TMEM178B: variants seen among roughly 807,000 people sequenced by gnomAD.
The protein encoded by TMEM178B is transmembrane protein 178B.
Under a neutral mutation model 31.0 loss-of-function variants are expected in TMEM178B, and 5 were observed. The ratio of observed to expected loss-of-function variants is 0.16; its 90% CI spans 0.08 to 0.34. The LOEUF is 0.34. Ranked by LOEUF, TMEM178B falls within the 10% of genes least tolerant of loss-of-function variation. The probability of loss-of-function intolerance (pLI) is 1.00; values close to 1 mark genes in which losing one functional copy is unlikely to be tolerated. For missense variants in TMEM178B, 275 were observed against 400.3 expected (o/e 0.69, Z 2.67); for synonymous variants, 164 against 164.0 (o/e 1.00, Z 0.00).
At chr7:141,182,681 A>C (rs536610334) in intron 1 of TMEM178B, among the ~76,000 whole-genome samples, 5 of 152,196 alleles carry the variant, frequency 3.3e-5, no homozygotes, top group Non-Finnish European at 5.9e-5. Flanking sequence ...CCCACTGTCA[A>C]GGGTGGGGCC....
intron 2 of TMEM178B, among the ~76,000 whole-genome samples, chr7:141,280,255 C>G (rs963226963): frequency 6.6e-6 from 1 of 152,032 alleles, no homozygotes; most frequent in Non-Finnish European, 1.5e-5. Flanking sequence ...TCTTGACTAC[C>G]CAAACAGGTC....
At chr7:141,487,264 C>T in the TMEM178B span, among the ~76,000 whole-genome samples, 1 of 151,978 alleles carries the variant, frequency 6.6e-6, no homozygotes, top group Non-Finnish European at 1.5e-5. Flanking sequence ...TCCTTTCAGC[C>T]CTGAAAGTGA....
chr7:141,212,777 G>T, intron 2 of TMEM178B, 73 bp downstream of exon 2: 1 of 1,196,964 alleles, frequency 8.4e-7, no homozygotes, highest in Non-Finnish European at 1.2e-6. Flanking sequence ...AGGATTGGAT[G>T]TGCCTCCTTC....
intron 2 of TMEM178B, among the ~76,000 whole-genome samples, chr7:141,219,049 C>T (rs1034624227): frequency 1.3e-5 from 2 of 152,220 alleles, no homozygotes; most frequent in Admixed American, 6.5e-5. Flanking sequence ...ATGAAACTAA[C>T]AGTAATAACA....
the TMEM178B span, among the ~76,000 whole-genome samples, chr7:141,497,131 GCA>G: frequency 1.3e-5 from 2 of 152,154 alleles, no homozygotes. Context: ...TAAGAGCCCT[GCA>G]CACACAGGTA....
At chr7:141,219,054 A>G (rs1191718958) in intron 2 of TMEM178B, among the ~76,000 whole-genome samples, 1 of 152,246 alleles carries the variant, frequency 6.6e-6, no homozygotes, top group African/African-American at 2.4e-5. Flanking sequence ...ACTAACAGTA[A>G]TAACAACAGT....
At chr7:141,434,270 C>T (rs1801493479) in intron 2 of TMEM178B, among the ~76,000 whole-genome samples, 1 of 152,192 alleles carries the variant, frequency 6.6e-6, no homozygotes, top group Non-Finnish European at 1.5e-5. Flanking sequence ...CCAGGCAGAA[C>T]CTTTGCTCCC....
rs549300237 is a variant in TMEM178B at position 141,171,472 on chromosome 7, G to A, written c.383-41119G>A. ...TTGCCCACAATCACTTAGCTGGCAA[G>A]TGATGGAGACAGAATTAGAACTCAG... On this transcript the variant is annotated intron_variant, in intron 1 of 3. Transcript: ENST00000565468. This position sits in a 1 kb window ranked among gnomAD's most constrained non-coding sequence, Gnocchi z 4.3. 1.3e-3 allele frequency among the ~76,000 whole-genome samples: 195 copies of A among 152,222 alleles called. 1 individual carries two copies. Among genetic ancestry groups the A allele is most frequent in the Non-Finnish European group, 2.2e-3 (150 of 68,038 alleles).
At chr7:141,430,943 G>C (rs577233843) in intron 2 of TMEM178B, among the ~76,000 whole-genome samples, 94 of 152,238 alleles carry the variant, frequency 6.2e-4, no homozygotes, top group Non-Finnish European at 1.1e-3. Context: ...TGTAACCCAG[G>C]CCGCGTGCTC....
chr7:141,243,318 A>C (rs376211345), intron 2 of TMEM178B, among the ~76,000 whole-genome samples: 1 of 151,980 alleles, frequency 6.6e-6, no homozygotes, highest in East Asian at 1.9e-4. Flanking sequence ...TCCAACCGTT[A>C]ACTTCTGCTT....
intron 1 of TMEM178B, among the ~76,000 whole-genome samples, chr7:141,207,915 T>A (rs558354298): frequency 6.6e-6 from 1 of 152,102 alleles, no homozygotes; most frequent in South Asian, 2.1e-4. Flanking sequence ...AAAGGCCAGG[T>A]GCGGTGGCTT....
intron 1 of TMEM178B, among the ~76,000 whole-genome samples, chr7:141,176,201 A>G (rs1251362517): frequency 1.3e-5 from 2 of 152,344 alleles, no homozygotes; most frequent in East Asian, 3.9e-4. Flanking sequence ...CCTTTTCTGC[A>G]TCTATTGAGA....
intron 2 of TMEM178B, among the ~76,000 whole-genome samples, chr7:141,290,321 A>C (rs565313085): frequency 6.6e-6 from 1 of 152,350 alleles, no homozygotes; most frequent in African/African-American, 2.4e-5. Context: ...ATATGGTTGC[A>C]GGAACTGATT....
At chr7:141,195,705 A>G (rs1317321204) in intron 1 of TMEM178B, among the ~76,000 whole-genome samples, 2 of 152,114 alleles carry the variant, frequency 1.3e-5, no homozygotes, top group Non-Finnish European at 2.9e-5. Flanking sequence ...ACTGGTACCA[A>G]TTTACTGTAT....
At chr7:141,165,185 A>G (rs946481659) in intron 1 of TMEM178B, among the ~76,000 whole-genome samples, 8 of 65,968 alleles carry the variant, frequency 1.2e-4, no homozygotes, top group African/African-American at 5.3e-4. Context: ...TTTTTATACT[A>G]ATGTCCTTTT....
chr7:141,303,961 TTCAGTGACTTGTC>T (rs568863227), intron 2 of TMEM178B, among the ~76,000 whole-genome samples: 12 of 152,234 alleles, frequency 7.9e-5, no homozygotes, highest in Non-Finnish European at 1.6e-4. Context: ...AAATGAGAGG[TTCAGTGACTTGTC>T]TCAGACCACA....
chr7:141,304,791 C>T (rs1388243568), intron 2 of TMEM178B, among the ~76,000 whole-genome samples: 2 of 152,190 alleles, frequency 1.3e-5, no homozygotes, highest in African/African-American at 2.4e-5. Flanking sequence ...GTCCAGTTCT[C>T]TTCAATACCT....
At chr7:141,143,981 C>A (rs1795814056) in intron 1 of TMEM178B, among the ~76,000 whole-genome samples, 1 of 152,084 alleles carries the variant, frequency 6.6e-6, no homozygotes, top group South Asian at 2.1e-4. Flanking sequence ...ATTTTTGCAG[C>A]TATTGTAAAT....
the TMEM178B span, among the ~76,000 whole-genome samples, chr7:141,487,678 T>C: frequency 7.0e-6 from 1 of 143,286 alleles, no homozygotes; most frequent in African/African-American, 2.7e-5. Context: ...GAGGCAGAGG[T>C]TGCAGTGAGC....
Sources: allele counts gnomAD v4.1 joint callset (sites outside exome capture counted in the v4.1 genomes callset), GRCh38; gene constraint gnomAD v4.1.1; non-coding constraint Gnocchi (gnomAD v3.1); transcripts MANE v1.5; gene names NCBI Gene and HGNC (gene_info 2026-07-23, HGNC 2026-07-21).